The following NUBPL variants were observed in gnomAD, a reference collection of about 807,000 sequenced individuals.
NUBPL encodes the protein iron-sulfur cluster transfer protein NUBPL.
Under a neutral mutation model 45.7 loss-of-function variants are expected in NUBPL, and 31 were observed. That is an observed-to-expected ratio of 0.68 (90% CI 0.51 to 0.92). The LOEUF is 0.92. Ranked by LOEUF, NUBPL falls within the 40% of genes least tolerant of loss-of-function variation. The pLI is 0.00. For missense variants in NUBPL, 401 were observed against 398.7 expected, an observed-to-expected ratio of 1.01 and a Z score of -0.05; for synonymous variants, 144 against 140.9, an observed-to-expected ratio of 1.02 and a Z score of -0.15.
chr14:31,756,609 A>G (rs970783326), intron 6 of NUBPL, among the ~76,000 whole-genome samples: 19 of 149,048 alleles, frequency 1.3e-4, no homozygotes, highest in East Asian at 6.0e-4. Context: ...GGCTGAGACA[A>G]TGGGGTTTTC....
chr14:31,722,296 C>T (rs1189406324), intron 6 of NUBPL, among the ~76,000 whole-genome samples: 1 of 152,178 alleles, frequency 6.6e-6, no homozygotes, highest in Non-Finnish European at 1.5e-5. Flanking sequence ...AGGCATAAGC[C>T]ACCACGCCCG....
intron 6 of NUBPL, among the ~76,000 whole-genome samples, chr14:31,741,635 A>G (rs929735678): frequency 1.3e-5 from 2 of 151,926 alleles, no homozygotes; most frequent in Admixed American, 6.6e-5. Context: ...CAGTGTGGGG[A>G]CCCCCATGTT....
intron 6 of NUBPL, among the ~76,000 whole-genome samples, chr14:31,745,274 T>C (rs2038373149): frequency 6.6e-6 from 1 of 152,048 alleles, no homozygotes; most frequent in Non-Finnish European, 1.5e-5. Flanking sequence ...ATTGTTCAAT[T>C]CCCACCTATG....
intron 3 of NUBPL, among the ~76,000 whole-genome samples, chr14:31,591,186 A>G (rs1397963693): frequency 6.6e-6 from 1 of 152,144 alleles, no homozygotes; most frequent in Admixed American, 6.5e-5. Flanking sequence ...TAGACAATGT[A>G]CTTTATCACT....
chr14:31,707,450 C>G (rs1026420577), intron 6 of NUBPL, among the ~76,000 whole-genome samples: 1 of 152,072 alleles, frequency 6.6e-6, no homozygotes, highest in African/African-American at 2.4e-5. Flanking sequence ...TTTCTGACTC[C>G]CTCTTTGTCT....
intron 7 of NUBPL, among the ~76,000 whole-genome samples, chr14:31,788,387 C>G (rs558958302): frequency 1.3e-5 from 2 of 152,334 alleles, no homozygotes; most frequent in East Asian, 3.9e-4. Flanking sequence ...TGTCTCAAGT[C>G]TCTGCCATTG....
At chr14:31,823,231 C>T (rs566778465) in intron 7 of NUBPL, among the ~76,000 whole-genome samples, 10 of 151,888 alleles carry the variant, frequency 6.6e-5, no homozygotes, top group Non-Finnish European at 1.2e-4. Flanking sequence ...AATATAAGAA[C>T]ATTGTTTAAA....
At chr14:31,673,188 T>C (rs1249686332) in intron 4 of NUBPL, among the ~76,000 whole-genome samples, 167 bp from the exon 5 acceptor site, 1 of 152,212 alleles carries the variant, frequency 6.6e-6, no homozygotes. Flanking sequence ...CTTATTATTA[T>C]TCTACTACAA....
intron 7 of NUBPL, among the ~76,000 whole-genome samples, chr14:31,825,209 C>A (rs1035439312): frequency 3.1e-5 from 2 of 65,200 alleles, no homozygotes; most frequent in African/African-American, 7.6e-5. Context: ...ATATAAACTT[C>A]TAGGACTCAG....
chr14:31,752,594 T>C (rs1187284005), intron 6 of NUBPL, among the ~76,000 whole-genome samples: 4 of 152,188 alleles, frequency 2.6e-5, no homozygotes, highest in African/African-American at 9.6e-5. Context: ...GTCAAAACCA[T>C]TCAACAAGTC....
chr14:31,832,132 A>G (rs1226939089), intron 8 of NUBPL, among the ~76,000 whole-genome samples: 1 of 152,198 alleles, frequency 6.6e-6, no homozygotes, highest in African/African-American at 2.4e-5. Flanking sequence ...TCCTGATGTA[A>G]CAGTACTATT....
intron 3 of NUBPL, among the ~76,000 whole-genome samples, chr14:31,574,269 T>A (rs574961480): frequency 4.7e-4 from 68 of 144,792 alleles, no homozygotes; most frequent in African/African-American, 1.5e-3. Flanking sequence ...TCAAAAAAAA[T>A]TTTTTTTTTT....
At chr14:31,834,342 G>A (rs1378758375) in intron 8 of NUBPL, among the ~76,000 whole-genome samples, 5 of 151,860 alleles carry the variant, frequency 3.3e-5, no homozygotes, top group East Asian at 1.9e-4. Flanking sequence ...CACCATGCCT[G>A]GCTAATTTTT....
chr14:31,561,989 C>G, intron 1 of NUBPL, 79 bp from the exon 2 acceptor site: 1 of 1,429,052 alleles, frequency 7.0e-7, no homozygotes, highest in Non-Finnish European at 9.6e-7. Context: ...TTGCAAACCC[C>G]AGATTGTTTT....
At chr14:31,601,087 G>A (rs530799855) in intron 4 of NUBPL, among the ~76,000 whole-genome samples, 1 of 152,152 alleles carries the variant, frequency 6.6e-6, no homozygotes, top group African/African-American at 2.4e-5. Flanking sequence ...TATTTCTGAG[G>A]GCTCTGTTCT....
intron 4 of NUBPL, among the ~76,000 whole-genome samples, chr14:31,631,997 T>C (rs570781997): frequency 6.6e-6 from 1 of 152,274 alleles, no homozygotes; most frequent in African/African-American, 2.4e-5. Flanking sequence ...TCATCTAAGT[T>C]GTATAATAAT....
intron 7 of NUBPL, among the ~76,000 whole-genome samples, chr14:31,824,298 A>G (rs2040063642): frequency 6.6e-6 from 1 of 152,092 alleles, no homozygotes; most frequent in South Asian, 2.1e-4. Flanking sequence ...TTGAATCCTG[A>G]TCTCTTTGAA....
chr14:31,831,921 G>A (rs1194431020), intron 8 of NUBPL, among the ~76,000 whole-genome samples: 3 of 152,172 alleles, frequency 2.0e-5, no homozygotes, highest in Admixed American at 2.0e-4. Context: ...AAACATAGAG[G>A]AAGTAAGGGA....
intron 8 of NUBPL, among the ~76,000 whole-genome samples, chr14:31,838,279 CAAAAA>C (rs748313330): frequency 4.8e-4 from 29 of 60,284 alleles, no homozygotes; most frequent in East Asian, 1.1e-3. Flanking sequence ...TAATATCCAG[CAAAAA>C]AAAAAAAAAA....
Sources: gnomAD v4.1 joint callset for allele counts (sites outside exome capture counted in the v4.1 genomes callset) on GRCh38, gnomAD v4.1.1 for gene constraint, MANE v1.5 for transcripts, NCBI Gene and HGNC (gene_info 2026-07-23, HGNC 2026-07-21) for gene names.